The following KMT2E variants were observed in gnomAD, a reference collection of about 807,000 sequenced individuals.
KMT2E encodes the protein histone reader KMT2E.
A neutral mutation model predicts 184.6 loss-of-function variants in KMT2E; 30 were observed. The observed-to-expected ratio is 0.16, with a 90% CI of 0.12 to 0.22. The LOEUF (loss-of-function observed/expected upper bound fraction) is 0.22, where lower values mean the gene tolerates loss of function less well. Among genes scored for constraint, KMT2E ranks in the 10% least tolerant of loss-of-function variants. The probability of loss-of-function intolerance (pLI) is 1.00; values close to 1 mark genes in which losing one functional copy is unlikely to be tolerated. For synonymous variants in KMT2E, 815 were observed against 776.5 expected (o/e 1.05, Z -0.82); for missense variants, 2,023 against 2,237.4 (o/e 0.90, Z 1.93).
chr7:105,047,678 C>G (rs538915549), intron 3 of KMT2E, among the ~76,000 whole-genome samples: 5 of 152,336 alleles, frequency 3.3e-5, no homozygotes, highest in African/African-American at 1.2e-4. Context: ...GGTTAACTAA[C>G]TTCCCTGAAG....
At chr7:105,102,319 T>C (rs1798690267) in intron 17 of KMT2E, 125 bp downstream of exon 17, 1 of 677,400 alleles carries the variant, frequency 1.5e-6, no homozygotes, top group South Asian at 2.5e-5. Flanking sequence ...ACTTGCAGAT[T>C]TTAAAACTAA....
At chr7:105,082,103 A>G (rs1797780650) in intron 13 of KMT2E, among the ~76,000 whole-genome samples, 1 of 152,204 alleles carries the variant, frequency 6.6e-6, no homozygotes, top group Non-Finnish European at 1.5e-5. Flanking sequence ...TCTAGGGGAT[A>G]TAATTTTAGT....
rs1230314610 is a variant in KMT2E, at chr7:105,114,622, T to C, written c.*1289T>C. 6.6e-6 allele frequency among the ~76,000 whole-genome samples: 1 copy of C among 152,218 alleles called. No homozygotes were observed. The highest frequency in any genetic ancestry group is 1.5e-5 in the Non-Finnish European group (1 of 68,030). ...AGTACATCCAATAATAATGATACTG[T>C]TTTATCAATCAACATATTTTTCATC... is the stretch of plus-strand genomic sequence containing the variant. On this transcript the variant is annotated 3_prime_UTR_variant, in exon 27 of 27. Transcript: ENST00000311117.
At chr7:105,068,639 GTT>G (rs1162488673) in intron 6 of KMT2E, among the ~76,000 whole-genome samples, 12 of 111,516 alleles carry the variant, frequency 1.1e-4, no homozygotes, top group Non-Finnish European at 1.7e-4. Context: ...TTTTTTTTTT[GTT>G]TTTTTTTTTT....
At chr7:105,044,828 T>C (rs1470199873) in intron 3 of KMT2E, among the ~76,000 whole-genome samples, 2 of 152,192 alleles carry the variant, frequency 1.3e-5, no homozygotes, top group African/African-American at 2.4e-5. Context: ...TTTCAGTCTT[T>C]GATATCTCTG....
In KMT2E at chr7:105,112,745, C is replaced by T. The variant is rs140909289; in HGVS notation, c.4989C>T (p.Thr1663=). The change falls in exon 27 of 27, where the codon ACC becomes ACT. Residue 1663 remains threonine, a synonymous_variant. Coordinates refer to ENST00000311117, the MANE Select transcript of KMT2E (RefSeq NM_182931.3). The stretch of plus-strand genomic sequence containing the variant: ...TAGTAGGGCCTGTTCATGCGGTCAC[C>T]CCTGGGTCGCATATTCATTCTCAAA... ...AHVVGPVHAV[T]PGSHIHSQTA... The T allele has an allele frequency of 6.2e-7, 1 of 1,613,640 alleles. No individual in the cohort carries two copies. Among genetic ancestry groups the T allele is most frequent in the South Asian group, 1.1e-5 (1 of 91,050 alleles).
chr7:105,088,305 C>T (rs1798068115), intron 13 of KMT2E, among the ~76,000 whole-genome samples: 1 of 152,204 alleles, frequency 6.6e-6, no homozygotes, highest in Non-Finnish European at 1.5e-5. Flanking sequence ...TTGTAGTTCT[C>T]TTGTCCTAAA....
chr7:105,030,916 G>A (rs149076361), intron 1 of KMT2E, among the ~76,000 whole-genome samples: 64 of 152,282 alleles, frequency 4.2e-4, no homozygotes, highest in African/African-American at 1.5e-3. Context: ...CTATTAATTA[G>A]ATTTTATGCA....
chr7:105,068,654 T>TTTC (rs1797153555), intron 6 of KMT2E, among the ~76,000 whole-genome samples: 2 of 149,264 alleles, frequency 1.3e-5, no homozygotes, highest in Non-Finnish European at 3.0e-5. Flanking sequence ...TTTTTTTTTT[T>TTTC]TGTAGGCACA....
intron 13 of KMT2E, among the ~76,000 whole-genome samples, chr7:105,087,035 TG>T (rs1274715760): frequency 6.8e-6 from 1 of 147,164 alleles, no homozygotes; most frequent in Non-Finnish European, 1.5e-5. Context: ...ATATAATATA[TG>T]GCATGTATAA....
intron 3 of KMT2E, among the ~76,000 whole-genome samples, chr7:105,058,310 A>G (rs937228690): frequency 6.6e-6 from 1 of 152,176 alleles, no homozygotes; most frequent in African/African-American, 2.4e-5. Flanking sequence ...GAGGCAAATA[A>G]AGCTTGGTTG....
intron 13 of KMT2E, among the ~76,000 whole-genome samples, chr7:105,087,240 AAG>A (rs1224889386): frequency 2.0e-5 from 3 of 146,680 alleles, no homozygotes; most frequent in South Asian, 4.2e-4. Context: ...CATATATATA[AAG>A]AGATACCATT....
At chr7:105,067,999 A>G (rs1459204749) in intron 6 of KMT2E, among the ~76,000 whole-genome samples, 5 of 152,146 alleles carry the variant, frequency 3.3e-5, no homozygotes, top group Admixed American at 2.6e-4. Flanking sequence ...CAAAGCCATT[A>G]TTGTACATGG....
rs746178456 is a variant in KMT2E at position 105,106,027 on chromosome 7, T to C, written c.2596+24T>C. 1.9e-6 allele frequency: 3 copies of C among 1,595,480 alleles called. No homozygotes were observed. In the South Asian group the frequency reaches 3.4e-5, roughly 18 times the overall value. On this transcript the variant is annotated intron_variant, in intron 19 of 26. Transcript: ENST00000311117. ...AGGTAGAATTTTTTTTTCAGAGTTT[T>C]GGTTTGAGAAATGTGGCAGGGCATA...
chr7:105,017,239 T>G (rs1794753080), intron 1 of KMT2E, among the ~76,000 whole-genome samples: 1 of 152,232 alleles, frequency 6.6e-6, no homozygotes, highest in Non-Finnish European at 1.5e-5. Context: ...CCGATGGTTT[T>G]CTTCATAGAG....
chr7:105,023,737 G>A (rs1052379496), intron 1 of KMT2E, among the ~76,000 whole-genome samples: 2 of 152,146 alleles, frequency 1.3e-5, no homozygotes, highest in Admixed American at 1.3e-4. Context: ...GAGCCACTGT[G>A]CCCGGCTCCG....
chr7:105,044,560 A>G (rs1384432493), intron 3 of KMT2E, among the ~76,000 whole-genome samples: 2 of 152,190 alleles, frequency 1.3e-5, no homozygotes, highest in Admixed American at 1.3e-4. Flanking sequence ...CACTTAGATC[A>G]GTCATCTCCT....
chr7:105,104,696 G>T (rs1257730661), intron 17 of KMT2E: 1 of 151,928 alleles, frequency 6.6e-6, no homozygotes, highest in East Asian at 1.9e-4. Flanking sequence ...CTCAAAAAAA[G>T]TACTGTGCAC....
chr7:105,028,505 C>G (rs1294641754), intron 1 of KMT2E, among the ~76,000 whole-genome samples: 1 of 148,068 alleles, frequency 6.8e-6, no homozygotes, highest in Non-Finnish European at 1.5e-5. Flanking sequence ...CTCTTTCTTG[C>G]TTTTTTTTGA....
Sources: allele counts gnomAD v4.1 joint callset (sites outside exome capture counted in the v4.1 genomes callset), GRCh38; gene constraint gnomAD v4.1.1; transcripts MANE v1.5; gene names NCBI Gene and HGNC (gene_info 2026-07-23, HGNC 2026-07-21).